RPTOR: variants seen among roughly 807,000 people sequenced by gnomAD.
RPTOR encodes the protein regulatory-associated protein of mTOR.
In RPTOR, 21 loss-of-function variants were observed where a neutral mutation model predicts 169.9. The ratio of observed to expected loss-of-function variants is 0.12; its 90% CI spans 0.09 to 0.18. The LOEUF (loss-of-function observed/expected upper bound fraction) is 0.18. Ranked by LOEUF, RPTOR falls within the 10% of genes least tolerant of loss-of-function variation. The pLI is 1.00. For missense variants in RPTOR, 1,133 were observed against 1,855.9 expected, an observed-to-expected ratio of 0.61 and a Z score of 7.16; for synonymous variants, 732 against 753.2, an observed-to-expected ratio of 0.97 and a Z score of 0.46.
rs544905079 is a variant in RPTOR, at chr17:80,785,931, G to A, written c.831-5519G>A. ...GGGGGGTGCCACACTCCAGCACATC[G>A]TGTGTTCACCTTCTAACCGGGAAGC... is the stretch of plus-strand genomic sequence containing the variant. On this transcript the variant is annotated intron_variant, in intron 6 of 33. Coordinates refer to ENST00000306801, the MANE Select transcript of RPTOR (RefSeq NM_020761.3). Among the ~76,000 whole-genome samples the A allele has an allele frequency of 3.3e-5, 5 of 152,310 alleles. No individual in the cohort carries two copies. The East Asian group carries it at 5.8e-4, about 18-fold the overall frequency.
chr17:80,679,203 A>G (rs7208283), intron 3 of RPTOR, among the ~76,000 whole-genome samples: 149,960 of 152,334 alleles, frequency 0.98, 73,828 homozygotes, highest in East Asian at 1. Flanking sequence ...CCTGAACCCC[A>G]GAGGTGGAGG....
intron 21 of RPTOR, among the ~76,000 whole-genome samples, chr17:80,912,618 C>T (rs1321030283): frequency 6.6e-6 from 1 of 152,122 alleles, no homozygotes; most frequent in Non-Finnish European, 1.5e-5. Flanking sequence ...GCTCTCTGCT[C>T]TTCAGCAAAC....
At chr17:80,756,935 AAAG>A (rs1356298016) in intron 6 of RPTOR, among the ~76,000 whole-genome samples, 1 of 152,226 alleles carries the variant, frequency 6.6e-6, no homozygotes, top group Non-Finnish European at 1.5e-5. Flanking sequence ...AAGTACTATA[AAAG>A]AAGAACAAAG....
At chr17:80,809,197 T>TA (rs1319521779) in intron 7 of RPTOR, among the ~76,000 whole-genome samples, 1 of 152,208 alleles carries the variant, frequency 6.6e-6, no homozygotes, top group Non-Finnish European at 1.5e-5. Context: ...GGGTTTTTTT[T>TA]ATTTTATTTT....
intron 21 of RPTOR, among the ~76,000 whole-genome samples, chr17:80,912,002 C>T (rs527844519): frequency 3.4e-4 from 52 of 152,276 alleles, no homozygotes; most frequent in African/African-American, 1.2e-3. Flanking sequence ...GGACTGAAAC[C>T]GTCACATCTG....
intron 2 of RPTOR, among the ~76,000 whole-genome samples, chr17:80,641,491 A>G (rs1433089358): frequency 2.6e-5 from 4 of 152,356 alleles, no homozygotes; most frequent in Middle Eastern, 3.4e-3. Context: ...AGTAACATAC[A>G]TATAGCTAAA....
At chr17:80,634,981 C>T (rs368978739) in intron 2 of RPTOR, among the ~76,000 whole-genome samples, 4 of 152,310 alleles carry the variant, frequency 2.6e-5, no homozygotes, top group African/African-American at 7.2e-5. Flanking sequence ...TTTGTCTCAG[C>T]GTTTCTGTAC....
chr17:80,821,000 A>G lies in RPTOR; in HGVS notation c.891-1201A>G, dbSNP rs895978314. On this transcript the variant is annotated intron_variant, in intron 7 of 33. Coordinates refer to ENST00000306801, the MANE Select transcript of RPTOR (RefSeq NM_020761.3). This position sits in a 1 kb window ranked among gnomAD's most constrained non-coding sequence, Gnocchi z 4.1. ...TGTTTGAGCAGCAGTGCTGCTTTAG[A>G]ATATTATACTAACTTCTCAATTTCT... is the stretch of plus-strand genomic sequence containing the variant. Among the ~76,000 whole-genome samples the G allele has an allele frequency of 6.6e-6, 1 of 152,238 alleles. No homozygotes were observed. Among genetic ancestry groups the G allele is most frequent in the Non-Finnish European group, 1.5e-5 (1 of 68,042 alleles).
rs1050013874 is a variant in RPTOR at position 80,815,591 on chromosome 17, G to T, written c.891-6610G>T. Among the ~76,000 whole-genome samples, 6 of 152,370 alleles carry T rather than the reference G, an allele frequency of 3.9e-5. No homozygotes were observed. The East Asian group carries it at 1.2e-3, about 29-fold the overall frequency. On this transcript the variant is annotated intron_variant, in intron 7 of 33. Coordinates refer to ENST00000306801, the MANE Select transcript of RPTOR (RefSeq NM_020761.3). ...CTGTGGACTGTGGAGATCACACCAT[G>T]TGCTTAACGAGCTGCCGGGAGCTGT...
chr17:80,875,629 A>C (rs1209688152), intron 13 of RPTOR, among the ~76,000 whole-genome samples: 1 of 152,174 alleles, frequency 6.6e-6, no homozygotes, highest in Non-Finnish European at 1.5e-5. Flanking sequence ...CGCTGCCGGC[A>C]CCGTGCTGTT....
intron 7 of RPTOR, among the ~76,000 whole-genome samples, chr17:80,815,314 C>A (rs2067311803): frequency 1.3e-5 from 2 of 152,222 alleles, no homozygotes; most frequent in African/African-American, 4.8e-5. Flanking sequence ...TCTGCAGGCC[C>A]CGTGGAGAGA....
intron 9 of RPTOR, among the ~76,000 whole-genome samples, 200 bp from the exon 10 acceptor site, chr17:80,837,722 T>C (rs2067580217): frequency 6.6e-6 from 1 of 152,222 alleles, no homozygotes; most frequent in Non-Finnish European, 1.5e-5. Context: ...CTGCACTCTC[T>C]CCTGGCCTCC....
At chr17:80,566,741 G>A (rs1198046288) in intron 1 of RPTOR, among the ~76,000 whole-genome samples, 4 of 144,948 alleles carry the variant, frequency 2.8e-5, no homozygotes, top group African/African-American at 5.2e-5. Context: ...GGAGAATGGC[G>A]TGAACCCGGG....
At chr17:80,815,718 G>GA (rs2067315675) in intron 7 of RPTOR, among the ~76,000 whole-genome samples, 1 of 152,236 alleles carries the variant, frequency 6.6e-6, no homozygotes, top group South Asian at 2.1e-4. Context: ...AAAAGAAAAA[G>GA]AAAGTAAGGG....
intron 1 of RPTOR, among the ~76,000 whole-genome samples, chr17:80,556,797 A>G (rs72855201): frequency 0.24 from 36,046 of 150,892 alleles, 5,271 homozygotes; most frequent in East Asian, 0.42. Flanking sequence ...AAAAAAAAAA[A>G]ACTTAAAACA....
At chr17:80,583,919 C>T (rs994881651) in intron 1 of RPTOR, among the ~76,000 whole-genome samples, 19 of 152,170 alleles carry the variant, frequency 1.2e-4, no homozygotes, top group Non-Finnish European at 4.4e-5. Context: ...GAGGCAGTGG[C>T]GGAGGGTGTC....
chr17:80,578,504 T>C (rs1397457604), intron 1 of RPTOR, among the ~76,000 whole-genome samples: 2 of 152,214 alleles, frequency 1.3e-5, no homozygotes, highest in Non-Finnish European at 2.9e-5. Context: ...CTGATTTATG[T>C]GTGTCTTTTC....
In RPTOR at chr17:80,545,354, G is replaced by T; in HGVS notation, c.-276G>T. On this transcript the variant is annotated 5_prime_UTR_variant, in exon 1 of 34. Coordinates refer to ENST00000306801, the MANE Select transcript of RPTOR (RefSeq NM_020761.3). ...CCTCTGGAAACGTACAGCCTCAGGA[G>T]CAGCCAGTGGCTTGGGACCTGGGGT... 1 of 327,146 alleles carries T rather than the reference G, an allele frequency of 3.1e-6. No individual in the cohort carries two copies. The allele number at this position is 327,146 out of a possible 1,614,324, so 20.3% of individuals were successfully genotyped here. A position where few individuals can be genotyped will look rare whatever the true frequency, so the allele number is the denominator to read the frequency against.
At chr17:80,857,084 G>A (rs897049125) in intron 12 of RPTOR, among the ~76,000 whole-genome samples, 3 of 152,236 alleles carry the variant, frequency 2.0e-5, no homozygotes, top group African/African-American at 4.8e-5. Context: ...GCAGCTTTGA[G>A]ATAAGGACAC....
Sources: allele counts gnomAD v4.1 joint callset (sites outside exome capture counted in the v4.1 genomes callset), GRCh38; gene constraint gnomAD v4.1.1; non-coding constraint Gnocchi (gnomAD v3.1); transcripts MANE v1.5; gene names NCBI Gene and HGNC (gene_info 2026-07-23, HGNC 2026-07-21).